ATG13: variants seen among roughly 807,000 people sequenced by gnomAD.
ATG13 encodes autophagy-related protein 13.
A neutral mutation model predicts 65.5 loss-of-function variants in ATG13; 23 were observed. The observed-to-expected ratio is 0.35, with a 90% CI of 0.25 to 0.50. The LOEUF is 0.50. Among genes scored for constraint, ATG13 ranks in the 20% least tolerant of loss-of-function variants. The pLI is 0.98. For synonymous variants in ATG13, 252 were observed against 245.2 expected (o/e 1.03, Z -0.26); for missense variants, 566 against 677.0 (o/e 0.84, Z 1.82).
chr11:46,649,254 A>G, intron 6 of ATG13, 71 bp downstream of exon 6: 1 of 1,537,392 alleles, frequency 6.5e-7, no homozygotes, highest in Non-Finnish European at 8.9e-7. Flanking sequence ...TGTGAAAAGC[A>G]GGGCTTTGTT....
chr11:46,666,746 A>G (rs1047634426), intron 14 of ATG13, among the ~76,000 whole-genome samples: 1 of 151,978 alleles, frequency 6.6e-6, no homozygotes, highest in Non-Finnish European at 1.5e-5. Flanking sequence ...CTCCCTGGGG[A>G]GCCATGGGCT....
At chr11:46,622,663 G>A (rs1366621816) in intron 1 of ATG13, among the ~76,000 whole-genome samples, 1 of 152,186 alleles carries the variant, frequency 6.6e-6, no homozygotes, top group Non-Finnish European at 1.5e-5. Flanking sequence ...GGAGAAACAA[G>A]GCTGTCATTT....
At chr11:46,637,446 C>A (rs918006005) in intron 2 of ATG13, among the ~76,000 whole-genome samples, 1 of 152,058 alleles carries the variant, frequency 6.6e-6, no homozygotes, top group Non-Finnish European at 1.5e-5. Flanking sequence ...TTTTTATGTT[C>A]AAAAAATAAT....
intron 1 of ATG13, among the ~76,000 whole-genome samples, chr11:46,623,907 T>G (rs2048566330): frequency 6.6e-6 from 1 of 152,144 alleles, no homozygotes; most frequent in Non-Finnish European, 1.5e-5. Context: ...GCATTATATT[T>G]ACACATTCTT....
chr11:46,624,382 C>T (rs1408770454), intron 1 of ATG13, among the ~76,000 whole-genome samples: 1 of 152,116 alleles, frequency 6.6e-6, no homozygotes, highest in Non-Finnish European at 1.5e-5. Context: ...TGTTTCAGTA[C>T]TGTCCTTCAC....
intron 2 of ATG13, among the ~76,000 whole-genome samples, chr11:46,633,078 G>A (rs2052553314): frequency 7.0e-6 from 1 of 143,782 alleles, no homozygotes; most frequent in Non-Finnish European, 1.5e-5. Context: ...AGGCTGGAGT[G>A]CAGTGGTGGG....
intron 11 of ATG13, chr11:46,659,721 A>C: frequency 2.6e-6 from 1 of 383,414 alleles, no homozygotes; most frequent in Non-Finnish European, 4.7e-6. Flanking sequence ...ACATCTTAAA[A>C]TTCCCTAGAA....
intron 2 of ATG13, among the ~76,000 whole-genome samples, chr11:46,631,355 A>G (rs1008249535): frequency 2.0e-5 from 3 of 152,170 alleles, no homozygotes; most frequent in African/African-American, 7.2e-5. Flanking sequence ...AAGCTGGCCT[A>G]TTTCTTTATT....
At chr11:46,661,603 G>A (rs1178669626) in intron 11 of ATG13, among the ~76,000 whole-genome samples, 5 of 151,896 alleles carry the variant, frequency 3.3e-5, no homozygotes, top group Non-Finnish European at 7.4e-5. Context: ...CAAGGAAGGA[G>A]GGAGGATCGC....
intron 1 of ATG13, among the ~76,000 whole-genome samples, chr11:46,628,109 A>G (rs573920348): frequency 6.6e-6 from 1 of 151,652 alleles, no homozygotes; most frequent in Non-Finnish European, 1.5e-5. Context: ...AAAGGCAGGA[A>G]AAAAAGCATT....
chr11:46,644,431 C>T (rs1379986939), intron 3 of ATG13, 71 bp downstream of exon 3: 2 of 1,336,214 alleles, frequency 1.5e-6, no homozygotes, highest in Non-Finnish European at 2.1e-6. Flanking sequence ...TTGCGAACAA[C>T]TCTCTTTGGA....
intron 6 of ATG13, 59 bp downstream of exon 6, chr11:46,649,242 C>G: frequency 6.4e-7 from 1 of 1,554,648 alleles, no homozygotes; most frequent in Non-Finnish European, 8.8e-7. Flanking sequence ...TAGATGACAT[C>G]ATGTGAAAAG....
Position 46,672,780 on chromosome 11 carries a change from G to A in ATG13, c.*448G>A. Reference sequence around the variant, plus strand: ...GGTGTGGAGTCGCAGAAAGAGGAAGGAGACAGTGCCAGGAGGAAGAAGGAA... The same window carrying A: ...GGTGTGGAGTCGCAGAAAGAGGAAGAAGACAGTGCCAGGAGGAAGAAGGAA... On this transcript the variant is annotated 3_prime_UTR_variant, in exon 19 of 19. Coordinates refer to ENST00000683050, the MANE Select transcript of ATG13 (RefSeq NM_001346311.2). 1 of 1,347,262 alleles carries A rather than the reference G, an allele frequency of 7.4e-7. No homozygotes were observed. The allele number at this position is 1,347,262 out of a possible 1,614,324, so 83.5% of individuals were successfully genotyped here.
intron 2 of ATG13, among the ~76,000 whole-genome samples, chr11:46,639,305 C>T (rs1037797216): frequency 6.6e-6 from 1 of 152,046 alleles, no homozygotes; most frequent in Non-Finnish European, 1.5e-5. Flanking sequence ...TCTTTATCTT[C>T]GTTGATAGAC....
chr11:46,633,003 AAT>A (rs1184181156), intron 2 of ATG13, among the ~76,000 whole-genome samples: 31 of 89,128 alleles, frequency 3.5e-4, no homozygotes, highest in South Asian at 2.2e-3. Context: ...ATTAAAAAAA[AAT>A]ATATATATAT....
At position 46,650,737 on chromosome 11, in the gene ATG13, A is replaced by G. The variant is rs1040721466; in HGVS notation, c.458+420A>G. ...TCTCCTGCCTTAGCCTCCCGAGTAG[A>G]TGGGACTACAGGCACCCGCCACCAT... On this transcript the variant is annotated intron_variant, in intron 7 of 18. Transcript: ENST00000683050. 5.3e-5 allele frequency among the ~76,000 whole-genome samples: 8 copies of G among 152,146 alleles called. No individual in the cohort carries two copies. The East Asian group carries it at 9.7e-4, about 18-fold the overall frequency.
At chr11:46,667,652 TG>T in intron 14 of ATG13, 120 bp from the exon 15 acceptor site, 1 of 594,126 alleles carries the variant, frequency 1.7e-6, no homozygotes, top group Non-Finnish European at 2.9e-6. Context: ...CTCCCATTGA[TG>T]GGCCAGTGGG....
At chr11:46,656,010 T>G (rs2059978382) in intron 7 of ATG13, among the ~76,000 whole-genome samples, 1 of 152,216 alleles carries the variant, frequency 6.6e-6, no homozygotes, top group Non-Finnish European at 1.5e-5. Flanking sequence ...CATGAGCCAC[T>G]GTGCCTGGCC....
intron 7 of ATG13, among the ~76,000 whole-genome samples, chr11:46,650,820 G>T (rs2058742153): frequency 6.6e-6 from 1 of 152,096 alleles, no homozygotes; most frequent in Admixed American, 6.6e-5. Context: ...TGGCCAGGCT[G>T]GTCTCGAGCT....
Sources: gnomAD v4.1 joint callset for allele counts (sites outside exome capture counted in the v4.1 genomes callset) on GRCh38, gnomAD v4.1.1 for gene constraint, MANE v1.5 for transcripts, NCBI Gene and HGNC (gene_info 2026-07-23, HGNC 2026-07-21) for gene names.